The following DIAPH3 variants were observed in gnomAD, a reference collection of about 807,000 sequenced individuals.
The protein encoded by DIAPH3 is protein diaphanous homolog 3.
DIAPH3 carries 117 observed loss-of-function variants against 144.3 expected under a neutral mutation model. That is an observed-to-expected ratio of 0.81 (90% CI 0.70 to 0.95). The LOEUF is 0.95. Ranked by LOEUF, DIAPH3 falls within the 40% of genes least tolerant of loss-of-function variation. The pLI is 0.00. For synonymous variants in DIAPH3, 519 were observed against 488.9 expected, an observed-to-expected ratio of 1.06 and a Z score of -0.81; for missense variants, 1,421 against 1,412.7, an observed-to-expected ratio of 1.01 and a Z score of -0.09.
chr13:59,924,344 C>T (rs1201281797), intron 18 of DIAPH3, among the ~76,000 whole-genome samples: 1 of 152,114 alleles, frequency 6.6e-6, no homozygotes, highest in African/African-American at 2.4e-5. Context: ...TACTCACCAT[C>T]CTTATTTCCG....
intron 5 of DIAPH3, among the ~76,000 whole-genome samples, chr13:60,022,135 C>A (rs1202887587): frequency 6.6e-6 from 1 of 152,048 alleles, no homozygotes; most frequent in Non-Finnish European, 1.5e-5. Flanking sequence ...GTGATAAGTT[C>A]TAGGAGTTTT....
chr13:60,144,075 T>C (rs1199212259), intron 1 of DIAPH3, among the ~76,000 whole-genome samples: 1 of 152,176 alleles, frequency 6.6e-6, no homozygotes, highest in Non-Finnish European at 1.5e-5. Context: ...TACCTCCTTT[T>C]CTGTTTGTAT....
At chr13:59,850,896 C>A (rs1300819746) in intron 22 of DIAPH3, among the ~76,000 whole-genome samples, 1 of 147,258 alleles carries the variant, frequency 6.8e-6, no homozygotes, top group Non-Finnish European at 1.5e-5. Context: ...AGTTTACCAA[C>A]CAAAAAGAGT....
At chr13:59,991,414 GA>G in intron 11 of DIAPH3, 140 bp from the exon 12 acceptor site, 1 of 679,858 alleles carries the variant, frequency 1.5e-6, no homozygotes, top group Non-Finnish European at 2.6e-6. Context: ...AGATATTTAG[GA>G]TTGAGGGTAG....
intron 27 of DIAPH3, among the ~76,000 whole-genome samples, chr13:59,699,528 C>T (rs1418476259): frequency 1.3e-5 from 2 of 152,056 alleles, no homozygotes; most frequent in Non-Finnish European, 2.9e-5. Context: ...TCCCTGTGTC[C>T]CACCCTTTTC....
At chr13:59,683,966 G>A (rs145474020) in intron 27 of DIAPH3, among the ~76,000 whole-genome samples, 30 of 152,016 alleles carry the variant, frequency 2.0e-4, no homozygotes, top group African/African-American at 6.5e-4. Flanking sequence ...TGCCAGCCAC[G>A]AGGAGGAACT....
chr13:59,896,585 G>T (rs1479945885), intron 20 of DIAPH3, among the ~76,000 whole-genome samples: 2 of 151,874 alleles, frequency 1.3e-5, no homozygotes, highest in Non-Finnish European at 2.9e-5. Flanking sequence ...TTTTGGTGGG[G>T]GAGGCGGGGG....
At chr13:60,071,586 CCTTCAATG>C (rs2057208719) in intron 4 of DIAPH3, among the ~76,000 whole-genome samples, 1 of 152,144 alleles carries the variant, frequency 6.6e-6, no homozygotes, top group Non-Finnish European at 1.5e-5. Context: ...TATCCCATTT[CCTTCAATG>C]CTTCTTCCAA....
At chr13:59,810,955 A>G (rs1196382658) in intron 24 of DIAPH3, 32 bp from the exon 25 acceptor site, 1 of 1,575,522 alleles carries the variant, frequency 6.3e-7, no homozygotes, top group East Asian at 2.2e-5. Flanking sequence ...ATCAATTTTA[A>G]CCAGTGATTC....
intron 27 of DIAPH3, among the ~76,000 whole-genome samples, chr13:59,726,236 G>T (rs976167925): frequency 1.7e-4 from 26 of 152,046 alleles, no homozygotes; most frequent in African/African-American, 5.8e-4. Flanking sequence ...GTGTGTCCAT[G>T]TGTGTTTTTG....
chr13:59,760,374 C>T (rs1200164176), intron 27 of DIAPH3, among the ~76,000 whole-genome samples: 3 of 152,174 alleles, frequency 2.0e-5, no homozygotes, highest in Non-Finnish European at 4.4e-5. Context: ...AACAACTCTT[C>T]AGAGTAACTA....
At chr13:59,759,832 A>G (rs1319735736) in intron 27 of DIAPH3, among the ~76,000 whole-genome samples, 3 of 151,740 alleles carry the variant, frequency 2.0e-5, no homozygotes, top group Admixed American at 1.3e-4. Context: ...TGTAATCCCA[A>G]CTACTGGGGA....
At chr13:59,996,186 C>G (rs2052179360) in intron 9 of DIAPH3, among the ~76,000 whole-genome samples, 1 of 151,992 alleles carries the variant, frequency 6.6e-6, no homozygotes, top group Admixed American at 6.6e-5. Context: ...GTTACTGTTC[C>G]AAGCAGAAAC....
chr13:59,830,525 G>C (rs1405512747), intron 24 of DIAPH3, among the ~76,000 whole-genome samples: 1 of 151,750 alleles, frequency 6.6e-6, no homozygotes, highest in African/African-American at 2.4e-5. Flanking sequence ...AGGACCCCAT[G>C]AGAACTCTGA....
chr13:59,932,023 TG>T (rs996031971), intron 17 of DIAPH3, among the ~76,000 whole-genome samples: 39 of 152,302 alleles, frequency 2.6e-4, no homozygotes, highest in African/African-American at 8.7e-4. Context: ...ATTTAAAACT[TG>T]TTTCTGGTCT....
chr13:59,737,458 T>A (rs897131784), intron 27 of DIAPH3, among the ~76,000 whole-genome samples: 1 of 152,190 alleles, frequency 6.6e-6, no homozygotes, highest in Non-Finnish European at 1.5e-5. Flanking sequence ...GACATAGAAA[T>A]ATGAACAAAA....
At chr13:60,105,657 G>A (rs1190762188) in intron 3 of DIAPH3, among the ~76,000 whole-genome samples, 4 of 152,120 alleles carry the variant, frequency 2.6e-5, no homozygotes, top group South Asian at 2.1e-4. Flanking sequence ...GGAAAAGAGT[G>A]ACAAGTAATA....
chr13:59,855,881 G>T (rs746997667), intron 22 of DIAPH3, among the ~76,000 whole-genome samples: 7 of 151,354 alleles, frequency 4.6e-5, no homozygotes. Context: ...AAATGGAAAA[G>T]AAACATATAT....
At chr13:59,811,461 G>A (rs1234673604) in intron 24 of DIAPH3, among the ~76,000 whole-genome samples, 2 of 151,986 alleles carry the variant, frequency 1.3e-5, no homozygotes, top group Non-Finnish European at 2.9e-5. Flanking sequence ...TTTCTTGGCC[G>A]GGCACAGTGG....
Sources: allele counts gnomAD v4.1 joint callset (sites outside exome capture counted in the v4.1 genomes callset), GRCh38; gene constraint gnomAD v4.1.1; transcripts MANE v1.5; gene names NCBI Gene and HGNC (gene_info 2026-07-23, HGNC 2026-07-21).